Variants in RPGR observed in about 807,000 individuals in gnomAD.
RPGR encodes the protein X-linked retinitis pigmentosa GTPase regulator.
RPGR carries 10 observed loss-of-function variants against 56.3 expected under a neutral mutation model. The ratio of observed to expected loss-of-function variants is 0.18; its 90% CI spans 0.11 to 0.30. The LOEUF (loss-of-function observed/expected upper bound fraction) is 0.30, where lower values mean the gene tolerates loss of function less well. RPGR is among the 10% of genes least tolerant of loss of function. The pLI, the probability that RPGR is intolerant of heterozygous loss-of-function variation, is 1.00. For missense variants in RPGR, 538 were observed against 590.9 expected, an observed-to-expected ratio of 0.91 and a Z score of 0.93; for synonymous variants, 197 against 212.9, an observed-to-expected ratio of 0.93 and a Z score of 0.65.
At chrX:38,286,329 T>TTCTTCTCCCTCCCCTTCTCCTTCC in intron 15 of RPGR, 1 of 601,521 alleles carries the variant, frequency 1.7e-6, no homozygotes, top group Non-Finnish European at 2.0e-6. Flanking sequence ...CCCCTTCTCC[T>TTCTTCTCCCTCCCCTTCTCCTTCC]TCCTCTTCTC....
rs1476689149 is a variant in RPGR, at chrX:38,275,116, T to C, written c.2122A>G (p.Ile708Val). The C allele has an allele frequency of 1.7e-6, 2 of 1,211,051 alleles. No individual in the cohort carries two copies. The highest frequency in any genetic ancestry group is 2.2e-6 in the Non-Finnish European group (2 of 894,770). ...TTTGGGTTTTCATTGTACTCACAAA[T>C]GGCCCGTTCCTCTAGGTTGGCTTTT... is the stretch of plus-strand genomic sequence containing the variant. Residue 708 changes from isoleucine to valine, a missense_variant, in exon 17 of 19, where the codon ATT becomes GTT. This residue lies in a region of RPGR where 357 missense variants were observed against 325.8 expected (regional missense o/e 1.10). Coordinates refer to ENST00000642395, the MANE Select transcript of RPGR (RefSeq NM_000328.3).
intron 7 of RPGR, chrX:38,308,390 T>A (rs1191624779): frequency 1.8e-5 from 2 of 111,981 alleles, no homozygotes; most frequent in Non-Finnish European, 3.8e-5. Context: ...GAAAATATCA[T>A]CCTTAAGTGC....
chrX:38,301,386 T>C lies in RPGR; in HGVS notation c.935-15A>G. On this transcript the variant is annotated splice_polypyrimidine_tract_variant and intron_variant, in intron 8 of 18. Transcript: ENST00000642395. ...AAGGCCGATATCTAAAATGCAAAAA[T>C]AATGAAGAGAATTATAAAAGTGTTA... 2 of 1,188,600 alleles carry C rather than the reference T, an allele frequency of 1.7e-6. No homozygotes were observed. Among genetic ancestry groups the C allele is most frequent in the Non-Finnish European group, 2.3e-6 (2 of 875,180 alleles).
chrX:38,279,960 C>G (rs17274057), intron 15 of RPGR, among the ~76,000 whole-genome samples: 3,391 of 109,810 alleles, frequency 0.031, 91 homozygotes, highest in South Asian at 0.14. Context: ...GTTTTAACTA[C>G]ACTGAAAATC....
intron 11 of RPGR, among the ~76,000 whole-genome samples, chrX:38,292,593 G>C (rs1424391642): frequency 9.0e-6 from 1 of 110,713 alleles, no homozygotes; most frequent in Admixed American, 9.7e-5. Context: ...GTAATCTGCA[G>C]AATAGCAACA....
Position 38,313,263 on chromosome X carries a change from G to C in RPGR, c.620-2490C>G, listed in dbSNP as rs141624617. Among the ~76,000 whole-genome samples the C allele has an allele frequency of 6.2e-3, 689 of 111,366 alleles. 5 individuals carry two copies. The highest frequency in any genetic ancestry group is 0.021 in the African/African-American group (651 of 30,655). ...TTTTTTCTTTCTTGTTCTCACGTAA[G>C]ACTCTGCTATCAAATGTCTTACGTT... On this transcript the variant is annotated intron_variant, in intron 6 of 18. Transcript: ENST00000642395.
intron 6 of RPGR, among the ~76,000 whole-genome samples, chrX:38,316,260 TTA>T (rs755595909): frequency 4.6e-5 from 5 of 109,262 alleles, no homozygotes; most frequent in Non-Finnish European, 7.6e-5. Flanking sequence ...GGTATGTGAA[TTA>T]TATCTCAATA....
chrX:38,294,403 GA>G (rs1378339355), intron 11 of RPGR, among the ~76,000 whole-genome samples: 1 of 111,354 alleles, frequency 9.0e-6, no homozygotes, highest in Non-Finnish European at 1.9e-5. Flanking sequence ...TAAATAGAGA[GA>G]GGGGGTCTTG....
chrX:38,304,958 TGAAG>T, intron 7 of RPGR, 168 bp from the exon 8 acceptor site: 1 of 468,519 alleles, frequency 2.1e-6, no homozygotes, highest in Non-Finnish European at 3.7e-6. Context: ...CTTTCAATGA[TGAAG>T]GAAGAGAAAA....
At position 38,275,118 on chromosome X, in the gene RPGR, G is replaced by A. The variant is rs1172746559; in HGVS notation, c.2120C>T (p.Ala707Val). 5 of 1,208,036 alleles carry A rather than the reference G, an allele frequency of 4.1e-6. No homozygotes were observed. The highest frequency in any genetic ancestry group is 5.6e-6 in the Non-Finnish European group (5 of 893,907). Residue 707 changes from alanine to valine, a missense_variant, in exon 17 of 19, where the codon GCC becomes GTC. By Grantham distance (64) the Ala-to-Val change is moderately conservative. This residue lies in a region of RPGR where 357 missense variants were observed against 325.8 expected (regional missense o/e 1.10). Coordinates refer to ENST00000642395, the MANE Select transcript of RPGR (RefSeq NM_000328.3). Reference sequence around the variant, plus strand: ...TGGGTTTTCATTGTACTCACAAATGGCCCGTTCCTCTAGGTTGGCTTTTTC... The same window carrying A: ...TGGGTTTTCATTGTACTCACAAATGACCCGTTCCTCTAGGTTGGCTTTTTC...
chrX:38,317,515 C>G, intron 5 of RPGR, 50 bp from the exon 6 acceptor site: 2 of 1,075,142 alleles, frequency 1.9e-6, no homozygotes, highest in Non-Finnish European at 2.6e-6. Context: ...GGTAGCCAGG[C>G]TCTGAAGCTA....
In RPGR at chrX:38,323,132, G is replaced by A. The variant is rs778372028; in HGVS notation, c.155-187C>T. Among the ~76,000 whole-genome samples the A allele has an allele frequency of 8.1e-5, 9 of 111,519 alleles. No individual in the cohort carries two copies. The East Asian group carries it at 8.3e-4, about 10-fold the overall frequency. On this transcript the variant is annotated intron_variant, in intron 2 of 18. Transcript: ENST00000642395. ...TGGAAAAGAGTTTCTAAAATTATAC[G>A]GTAACAGGTTTTTTTAAAAAATTAT... is the stretch of plus-strand genomic sequence containing the variant.
Position 38,285,318 on chromosome X carries a change from T to TG in RPGR, c.1905+1775dup, listed in dbSNP as rs1215278634. On this transcript the variant is annotated intron_variant, in intron 15 of 18. Coordinates refer to ENST00000642395, the MANE Select transcript of RPGR (RefSeq NM_000328.3). ...ATTTTCTAGTTATGTTTTTATAATT[T>TG]GGGGGGGAAATACACGAAAATTTTA... 10 of 1,060,300 alleles carry TG rather than the reference T, an allele frequency of 9.4e-6. No individual in the cohort carries two copies. In the East Asian group the frequency reaches 1.4e-4, roughly 15 times the overall value. The allele number at this position is 1,060,300 out of a possible 1,213,427, so 87.4% of individuals were successfully genotyped here. A position where few individuals can be genotyped will look rare whatever the true frequency, so the allele number is the denominator to read the frequency against.
chrX:38,322,973 A>G, intron 2 of RPGR, 28 bp from the exon 3 acceptor site: 1 of 1,079,682 alleles, frequency 9.3e-7, no homozygotes, highest in Non-Finnish European at 1.3e-6. Context: ...GAAATAATCA[A>G]TTGAAGCATT....
chrX:38,327,254 C>A, intron 1 of RPGR, 86 bp downstream of exon 1: 2 of 980,168 alleles, frequency 2.0e-6, no homozygotes, highest in Non-Finnish European at 2.8e-6. Context: ...GGGCCTGTCC[C>A]CCTACAGGGC....
chrX:38,297,224 A>G, intron 11 of RPGR, 60 bp downstream of exon 11: 2 of 1,108,297 alleles, frequency 1.8e-6, no homozygotes, highest in Non-Finnish European at 2.5e-6. Flanking sequence ...AGATAAACAT[A>G]AAAACTACAG....
At chrX:38,322,275 T>C (rs1280381263) in intron 3 of RPGR, among the ~76,000 whole-genome samples, 1 of 111,994 alleles carries the variant, frequency 8.9e-6, no homozygotes, top group African/African-American at 3.2e-5. Flanking sequence ...AGGTTTTGCA[T>C]ATAACATCCA....
chrX:38,296,915 AC>A (rs201692429), intron 11 of RPGR, among the ~76,000 whole-genome samples: 2,227 of 112,209 alleles, frequency 0.02, 37 homozygotes, highest in Middle Eastern at 0.037. Context: ...AAGCTGAGTG[AC>A]CTTGGGCAAG....
At chrX:38,300,720 T>G (rs1043234610) in intron 9 of RPGR, among the ~76,000 whole-genome samples, 1 of 110,579 alleles carries the variant, frequency 9.0e-6, no homozygotes, top group Non-Finnish European at 1.9e-5. Flanking sequence ...TTTTCATTAG[T>G]GACAGGGTTT....
Sources: gnomAD v4.1 joint callset for allele counts (sites outside exome capture counted in the v4.1 genomes callset) on GRCh38, gnomAD v4.1.1 for gene constraint, gnomAD v4.1.1 regional missense constraint, MANE v1.5 for transcripts, NCBI Gene and HGNC (gene_info 2026-07-23, HGNC 2026-07-21) for gene names.